MICU2: variants seen among roughly 807,000 people sequenced by gnomAD.
MICU2 encodes calcium uptake protein 2, mitochondrial.
A neutral mutation model predicts 60.4 loss-of-function variants in MICU2; 64 were observed. The ratio of observed to expected loss-of-function variants is 1.06; its 90% CI spans 0.87 to 1.31. MICU2 has a LOEUF of 1.31. Among genes scored for constraint, MICU2 ranks in the 50% most tolerant of loss-of-function variants. MICU2 has a pLI of 0.00. For synonymous variants in MICU2, 201 were observed against 175.0 expected, an observed-to-expected ratio of 1.15 and a Z score of -1.17; for missense variants, 569 against 531.0, an observed-to-expected ratio of 1.07 and a Z score of -0.70.
chr13:21,576,264 G>A (rs1888225488), intron 1 of MICU2, among the ~76,000 whole-genome samples: 1 of 152,122 alleles, frequency 6.6e-6, no homozygotes, highest in Non-Finnish European at 1.5e-5. Context: ...TATCTTGACT[G>A]TGATCTCTTT....
chr13:21,559,224 T>C (rs1887780496), intron 2 of MICU2, among the ~76,000 whole-genome samples: 2 of 152,330 alleles, frequency 1.3e-5, no homozygotes, highest in Middle Eastern at 3.4e-3. Context: ...GCTGCCATGA[T>C]GAAAGTCGAC....
intron 2 of MICU2, among the ~76,000 whole-genome samples, chr13:21,558,236 T>A (rs188420656): frequency 5.2e-4 from 79 of 152,274 alleles, no homozygotes; most frequent in African/African-American, 1.8e-3. Flanking sequence ...CAGTTTTGGG[T>A]ATGCCTTCAG....
intron 8 of MICU2, 45 bp from the exon 9 acceptor site, chr13:21,503,142 A>G: frequency 7.0e-7 from 1 of 1,429,648 alleles, no homozygotes; most frequent in Middle Eastern, 1.9e-4. Flanking sequence ...AGTGGCATTC[A>G]ACCTTAAATA....
chr13:21,511,910 T>C (rs944603760), intron 7 of MICU2, among the ~76,000 whole-genome samples: 3 of 152,202 alleles, frequency 2.0e-5, no homozygotes, highest in Non-Finnish European at 4.4e-5. Context: ...CAGAGCAGTA[T>C]TTCATGGTAA....
At chr13:21,583,912 C>A (rs953930362) in intron 1 of MICU2, among the ~76,000 whole-genome samples, 2 of 152,174 alleles carry the variant, frequency 1.3e-5, no homozygotes, top group African/African-American at 4.8e-5. Context: ...TAGAAATCAA[C>A]CCATTTACAG....
Position 21,521,262 on chromosome 13 carries a change from T to C in MICU2, c.580A>G (p.Lys194Glu), listed in dbSNP as rs1161020965. Residue 194 changes from lysine to glutamate, a missense_variant, in exon 6 of 12, where the codon AAA becomes GAA. Physicochemically the swap from Lys to Glu is moderately conservative, Grantham distance 56 (BLOSUM62 1). Transcript: ENST00000382374. ...LDTDGNEMIE[K>E]REFFKLQKII... Reference sequence around the variant, plus strand: ...CCACTTACCTTAAAAAATTCCCTTTTTTCAATCATCTCATTACCATCTGTA... The same window carrying C: ...CCACTTACCTTAAAAAATTCCCTTTCTTCAATCATCTCATTACCATCTGTA... 2 of 1,605,464 alleles carry C rather than the reference T, an allele frequency of 1.2e-6. No homozygotes were observed. Among genetic ancestry groups the C allele is most frequent in the East Asian group, 2.3e-5 (1 of 44,432 alleles).
At chr13:21,599,971 ACATT>A (rs1470467410) in intron 1 of MICU2, among the ~76,000 whole-genome samples, 1 of 152,222 alleles carries the variant, frequency 6.6e-6, no homozygotes, top group African/African-American at 2.4e-5. Flanking sequence ...CTTGTTGCCT[ACATT>A]CATTAAATGA....
intron 4 of MICU2, among the ~76,000 whole-genome samples, chr13:21,529,429 C>T (rs1886934536): frequency 6.6e-6 from 1 of 152,148 alleles, no homozygotes; most frequent in Non-Finnish European, 1.5e-5. Flanking sequence ...ATGGCTGAGG[C>T]TCAGGAGTGT....
At position 21,558,050 on chromosome 13, in the gene MICU2, A is replaced by G. The variant is rs1028563954; in HGVS notation, c.358+8747T>C. Among the ~76,000 whole-genome samples the G allele has an allele frequency of 9.2e-5, 14 of 152,132 alleles. No homozygotes were observed. The South Asian group carries it at 2.3e-3, about 25-fold the overall frequency. On this transcript the variant is annotated intron_variant, in intron 2 of 11. Coordinates refer to ENST00000382374, the MANE Select transcript of MICU2 (RefSeq NM_152726.3). ...TATTTCATAATATTTTGTTATAAAA[A>G]CTCACATTTCAGATAATATACTGTA...
At chr13:21,515,297 T>A (rs1480628983) in intron 6 of MICU2, among the ~76,000 whole-genome samples, 1 of 152,174 alleles carries the variant, frequency 6.6e-6, no homozygotes, top group Admixed American at 6.5e-5. Context: ...TTAGCCAGGA[T>A]GGTCTTGATC....
At chr13:21,596,676 G>C (rs1250370799) in intron 1 of MICU2, among the ~76,000 whole-genome samples, 1 of 152,048 alleles carries the variant, frequency 6.6e-6, no homozygotes, top group South Asian at 2.1e-4. Flanking sequence ...CACCCGCCTC[G>C]GCCTCCCAAA....
intron 1 of MICU2, among the ~76,000 whole-genome samples, chr13:21,571,783 G>A (rs990898247): frequency 6.6e-6 from 1 of 152,204 alleles, no homozygotes; most frequent in Admixed American, 6.5e-5. Context: ...GCCAAGACAG[G>A]GAACAGCAGT....
chr13:21,592,315 A>T (rs1387553993), intron 1 of MICU2, among the ~76,000 whole-genome samples: 3 of 152,208 alleles, frequency 2.0e-5, no homozygotes, highest in African/African-American at 7.2e-5. Context: ...CTAAATCAAG[A>T]AGAAGTCGAA....
At chr13:21,551,882 C>T (rs1413334005) in intron 2 of MICU2, among the ~76,000 whole-genome samples, 7 of 151,966 alleles carry the variant, frequency 4.6e-5, no homozygotes, top group East Asian at 1.9e-4. Context: ...CGAATAGTGC[C>T]GCAGTAAACA....
At chr13:21,523,552 AT>A (rs1172574458) in intron 4 of MICU2, among the ~76,000 whole-genome samples, 1 of 152,248 alleles carries the variant, frequency 6.6e-6, no homozygotes, top group Non-Finnish European at 1.5e-5. Flanking sequence ...TTGGGAAATC[AT>A]TCTTTGTCAG....
intron 4 of MICU2, 141 bp downstream of exon 4, chr13:21,539,160 AC>A: frequency 1.5e-6 from 1 of 662,902 alleles, no homozygotes; most frequent in Non-Finnish European, 2.6e-6. Context: ...TTGCTCAAAG[AC>A]TTTGAAAAAG....
chr13:21,565,123 A>C (rs1887946524), intron 2 of MICU2, among the ~76,000 whole-genome samples: 2 of 152,224 alleles, frequency 1.3e-5, no homozygotes, highest in Admixed American at 1.3e-4. Flanking sequence ...TTTTTAAGAG[A>C]AATCTTTTTG....
intron 2 of MICU2, among the ~76,000 whole-genome samples, chr13:21,566,225 G>C (rs539073548): frequency 1.3e-5 from 2 of 152,218 alleles, no homozygotes; most frequent in South Asian, 4.1e-4. Context: ...AGTACACTTA[G>C]GAAGGCGTCA....
intron 9 of MICU2, among the ~76,000 whole-genome samples, chr13:21,497,001 G>A (rs1886016134): frequency 6.6e-6 from 1 of 152,040 alleles, no homozygotes; most frequent in African/African-American, 2.4e-5. Context: ...GGCAGAGCTT[G>A]CAGTGAGCCG....
Sources: gnomAD v4.1 joint callset for allele counts (sites outside exome capture counted in the v4.1 genomes callset) on GRCh38, gnomAD v4.1.1 for gene constraint, MANE v1.5 for transcripts, NCBI Gene and HGNC (gene_info 2026-07-23, HGNC 2026-07-21) for gene names.